Variants in LPAR1 observed in about 807,000 individuals in gnomAD.
The protein encoded by LPAR1 is LPA receptor 1.
LPAR1 carries 5 observed loss-of-function variants against 23.8 expected under a neutral mutation model. The observed-to-expected ratio is 0.21, with a 90% CI of 0.11 to 0.44. LPAR1 has a LOEUF of 0.44. Among genes scored for constraint, LPAR1 ranks in the 20% least tolerant of loss-of-function variants. The pLI is 0.99. For synonymous variants in LPAR1, 160 were observed against 164.7 expected (o/e 0.97, Z 0.22); for missense variants, 311 against 482.8 (o/e 0.64, Z 3.33).
intron 4 of LPAR1, among the ~76,000 whole-genome samples, chr9:110,961,892 G>A (rs1014260645): frequency 6.6e-6 from 1 of 152,126 alleles, no homozygotes; most frequent in Non-Finnish European, 1.5e-5. Flanking sequence ...CACAACATGA[G>A]GATTATGGGA....
chr9:110,963,885 A>G (rs561491502), intron 4 of LPAR1, among the ~76,000 whole-genome samples: 2 of 152,370 alleles, frequency 1.3e-5, no homozygotes, highest in South Asian at 2.1e-4. Context: ...GCTATGGTGT[A>G]TAACAGTCTA....
Position 111,014,490 on chromosome 9 carries a change from C to T in LPAR1, c.-182+21632G>A, listed in dbSNP as rs145722243. On this transcript the variant is annotated intron_variant, in intron 2 of 5. Transcript: ENST00000683809. ...CTTACCAACCACCACTTGAATGATC[C>T]GAGCCATTCTTTCGGATCTCTTCTC... Among the ~76,000 whole-genome samples, 394 of 152,058 alleles carry T rather than the reference C, an allele frequency of 2.6e-3. 4 individuals are homozygous for T. The highest frequency in any genetic ancestry group is 8.9e-3 in the African/African-American group (369 of 41,486).
chr9:110,934,850 TGA>T (rs1037471595), intron 5 of LPAR1, among the ~76,000 whole-genome samples: 1 of 141,350 alleles, frequency 7.1e-6, no homozygotes, highest in Admixed American at 7.0e-5. Flanking sequence ...ACACAGAGAG[TGA>T]GAGAGAGAGG....
At chr9:110,963,479 T>C (rs1200530448) in intron 4 of LPAR1, among the ~76,000 whole-genome samples, 1 of 152,180 alleles carries the variant, frequency 6.6e-6, no homozygotes, top group East Asian at 1.9e-4. Context: ...ATGGGTCTTC[T>C]GGCATACCAC....
intron 2 of LPAR1, among the ~76,000 whole-genome samples, chr9:110,995,362 A>G (rs1419916658): frequency 6.6e-6 from 1 of 152,126 alleles, no homozygotes; most frequent in East Asian, 1.9e-4. Flanking sequence ...ATCCTGCCTG[A>G]AGTTTTGAGG....
intron 4 of LPAR1, among the ~76,000 whole-genome samples, chr9:110,943,003 C>T (rs2095212627): frequency 9.6e-6 from 1 of 104,388 alleles, no homozygotes; most frequent in Non-Finnish European, 1.9e-5. Flanking sequence ...AATATATTTG[C>T]TTATTATTTA....
At chr9:110,961,361 C>G (rs917701448) in intron 4 of LPAR1, among the ~76,000 whole-genome samples, 1 of 151,700 alleles carries the variant, frequency 6.6e-6, no homozygotes, top group Non-Finnish European at 1.5e-5. Flanking sequence ...TGGCTCACAC[C>G]TGTAATCCCA....
intron 2 of LPAR1, among the ~76,000 whole-genome samples, chr9:110,999,898 A>T (rs1002697475): frequency 1.3e-5 from 2 of 152,228 alleles, no homozygotes; most frequent in African/African-American, 4.8e-5. Flanking sequence ...TTAATAGTAG[A>T]CACAGGGTCT....
intron 5 of LPAR1, among the ~76,000 whole-genome samples, chr9:110,939,073 C>T (rs1194543206): frequency 6.6e-6 from 1 of 152,144 alleles, no homozygotes; most frequent in Non-Finnish European, 1.5e-5. Context: ...CAAGAACTCC[C>T]CCAGGCTGAG....
chr9:111,037,164 A>ATC (rs1564405129), intron 1 of LPAR1, among the ~76,000 whole-genome samples: 2 of 152,226 alleles, frequency 1.3e-5, no homozygotes, highest in Non-Finnish European at 2.9e-5. Flanking sequence ...GTGAAAAACA[A>ATC]ACTGTTAGAG....
chr9:110,920,422 G>C (rs761962250), intron 5 of LPAR1, among the ~76,000 whole-genome samples: 7 of 152,152 alleles, frequency 4.6e-5, no homozygotes, highest in Non-Finnish European at 8.8e-5. Flanking sequence ...TAATGAGAGA[G>C]CATTGGCAAT....
intron 4 of LPAR1, among the ~76,000 whole-genome samples, chr9:110,971,269 ATG>A (rs758326245): frequency 3.3e-5 from 5 of 152,240 alleles, no homozygotes; most frequent in Non-Finnish European, 5.9e-5. Context: ...TGTATGCCTC[ATG>A]TATATGAACC....
At chr9:110,904,080 A>G (rs982783491) in intron 5 of LPAR1, among the ~76,000 whole-genome samples, 1 of 152,174 alleles carries the variant, frequency 6.6e-6, no homozygotes, top group Non-Finnish European at 1.5e-5. Flanking sequence ...CTATACTTCA[A>G]GAATGAAGGG....
intron 5 of LPAR1, among the ~76,000 whole-genome samples, chr9:110,879,783 C>T (rs536145029): frequency 1.3e-5 from 2 of 152,270 alleles, no homozygotes; most frequent in Non-Finnish European, 2.9e-5. Flanking sequence ...AGAATCAGGA[C>T]AGCAGCACTG....
intron 2 of LPAR1, among the ~76,000 whole-genome samples, chr9:111,017,007 C>CTCTCCTCCCAGCACATGAAGAGT (rs921312002): frequency 2.6e-5 from 4 of 152,172 alleles, no homozygotes; most frequent in Non-Finnish European, 5.9e-5. Context: ...ATAAAATCCT[C>CTCTCCTCCCAGCACATGAAGAGT]TCTCCTCCCA....
chr9:110,979,608 T>C (rs1323163951), intron 2 of LPAR1, among the ~76,000 whole-genome samples: 1 of 151,964 alleles, frequency 6.6e-6, no homozygotes, highest in Admixed American at 6.6e-5. Flanking sequence ...CTATAAAATA[T>C]CAAAAAGCAG....
intron 4 of LPAR1, among the ~76,000 whole-genome samples, chr9:110,961,026 C>T (rs2095954701): frequency 6.6e-6 from 1 of 151,696 alleles, no homozygotes; most frequent in Admixed American, 6.6e-5. Context: ...AATTTTGTAT[C>T]TATTTTAGTT....
intron 2 of LPAR1, among the ~76,000 whole-genome samples, chr9:111,032,697 C>G (rs117297077): frequency 6.6e-6 from 1 of 152,036 alleles, no homozygotes; most frequent in African/African-American, 2.4e-5. Context: ...TAGAACAGAT[C>G]GATATAAAGT....
chr9:111,001,378 CAT>C (rs750004235), intron 2 of LPAR1, among the ~76,000 whole-genome samples: 3 of 152,038 alleles, frequency 2.0e-5, no homozygotes, highest in African/African-American at 4.8e-5. Flanking sequence ...ATGAGTAAGA[CAT>C]ATTAAAAGCC....
Sources: gnomAD v4.1 joint callset for allele counts (sites outside exome capture counted in the v4.1 genomes callset) on GRCh38, gnomAD v4.1.1 for gene constraint, MANE v1.5 for transcripts, NCBI Gene and HGNC (gene_info 2026-07-23, HGNC 2026-07-21) for gene names.